Variants in ZNF385D observed in about 807,000 individuals in gnomAD.
The protein encoded by ZNF385D is zinc finger protein 659.
A neutral mutation model predicts 35.8 loss-of-function variants in ZNF385D; 15 were observed. The observed-to-expected ratio is 0.42, with a 90% confidence interval of 0.28 to 0.64. The LOEUF (loss-of-function observed/expected upper bound fraction) is 0.64. ZNF385D is among the 30% of genes least tolerant of loss of function. The pLI is 0.23. For missense variants in ZNF385D, 474 were observed against 494.6 expected, an observed-to-expected ratio of 0.96 and a Z score of 0.39; for synonymous variants, 212 against 186.8, an observed-to-expected ratio of 1.13 and a Z score of -1.10.
chr3:21,762,145 G>A (rs919840254), intron 3 of ZNF385D, among the ~76,000 whole-genome samples: 1 of 151,922 alleles, frequency 6.6e-6, no homozygotes, highest in African/African-American at 2.4e-5. Context: ...CTAAAGTGCT[G>A]GGATTACAGG....
At chr3:22,258,783 CAT>C (rs1327359103) in intron 2 of ZNF385D, among the ~76,000 whole-genome samples, 3 of 151,378 alleles carry the variant, frequency 2.0e-5, no homozygotes, top group African/African-American at 7.3e-5. Flanking sequence ...GTTAAAATAA[CAT>C]GTTTTATAAA....
At chr3:21,545,735 C>G (rs1168294837) in intron 3 of ZNF385D, among the ~76,000 whole-genome samples, 1 of 151,940 alleles carries the variant, frequency 6.6e-6, no homozygotes, top group African/African-American at 2.4e-5. Flanking sequence ...GATAAAAGCT[C>G]CATGGGAGAC....
At chr3:22,312,441 A>G (rs1190229959) in intron 2 of ZNF385D, among the ~76,000 whole-genome samples, 4 of 152,142 alleles carry the variant, frequency 2.6e-5, no homozygotes, top group Non-Finnish European at 5.9e-5. Flanking sequence ...ACAGCAAAAG[A>G]AACTACCATC....
intron 3 of ZNF385D, among the ~76,000 whole-genome samples, chr3:22,073,062 A>G (rs1333173861): frequency 1.3e-5 from 2 of 151,968 alleles, no homozygotes; most frequent in Non-Finnish European, 2.9e-5. Context: ...TAAACTAGAA[A>G]GCTCTTCAGA....
At chr3:22,238,272 T>C (rs1029298198) in intron 2 of ZNF385D, among the ~76,000 whole-genome samples, 1 of 151,114 alleles carries the variant, frequency 6.6e-6, no homozygotes, top group African/African-American at 2.4e-5. Flanking sequence ...GTTTTTCTTT[T>C]CCAGATTATT....
chr3:21,759,002 A>AAAAAC (rs2070480385), intron 3 of ZNF385D, among the ~76,000 whole-genome samples: 2 of 125,922 alleles, frequency 1.6e-5, no homozygotes, highest in Non-Finnish European at 3.5e-5. Context: ...AAAAAAAAAA[A>AAAAAC]AAAACAGTGG....
At chr3:22,023,572 A>G (rs1697350897) in intron 3 of ZNF385D, among the ~76,000 whole-genome samples, 1 of 152,148 alleles carries the variant, frequency 6.6e-6, no homozygotes, top group Non-Finnish European at 1.5e-5. Context: ...ATAAATTACA[A>G]AGCTGCTTCT....
intron 3 of ZNF385D, among the ~76,000 whole-genome samples, chr3:21,558,621 T>C (rs1332426490): frequency 1.3e-5 from 2 of 152,204 alleles, no homozygotes; most frequent in African/African-American, 4.8e-5. Flanking sequence ...GAAGAACGTA[T>C]ATTCTGTTGA....
rs367878952 is a variant in ZNF385D at position 21,807,023 on chromosome 3, A to G, written c.326-141995T>C. On this transcript the variant is annotated intron_variant, in intron 3 of 5. Coordinates refer to the ZNF385D transcript ENST00000494108. ...TTCTGATTTGAATCCAGTTCATTTCATATTTCACACTATTATGGGAAACCA... is the reference window on the plus strand; with the variant it reads ...TTCTGATTTGAATCCAGTTCATTTCGTATTTCACACTATTATGGGAAACCA... Among the ~76,000 whole-genome samples, 10 of 152,342 alleles carry G rather than the reference A, an allele frequency of 6.6e-5. No individual in the cohort carries two copies. The East Asian group carries it at 7.7e-4, about 12-fold the overall frequency.
Position 21,825,877 on chromosome 3 carries a change from C to T in ZNF385D, c.326-160849G>A, listed in dbSNP as rs147519273. On this transcript the variant is annotated intron_variant, in intron 3 of 5. Transcript: ENST00000494108. Reference sequence around the variant, plus strand: ...TGAGCGCCGGGAAAGCCAAAGGTTACGGCCTGAGCTCCGCTCCTTTCCCAC... The same window carrying T: ...TGAGCGCCGGGAAAGCCAAAGGTTATGGCCTGAGCTCCGCTCCTTTCCCAC... Among the ~76,000 whole-genome samples the T allele has an allele frequency of 4.7e-3, 718 of 152,280 alleles. 8 individuals are homozygous for T. Among genetic ancestry groups the T allele is most frequent in the African/African-American group, 0.016 (669 of 41,566 alleles).
At chr3:21,833,018 G>C (rs375556437) in intron 3 of ZNF385D, among the ~76,000 whole-genome samples, 1 of 152,052 alleles carries the variant, frequency 6.6e-6, no homozygotes, top group African/African-American at 2.4e-5. Flanking sequence ...TCCAATGGTA[G>C]CGCACATCCT....
intron 2 of ZNF385D, among the ~76,000 whole-genome samples, chr3:22,290,376 T>C (rs546780277): frequency 6.6e-6 from 1 of 152,248 alleles, no homozygotes; most frequent in Admixed American, 6.5e-5. Flanking sequence ...TGCAGACTGA[T>C]GTCAGAGAAG....
intron 3 of ZNF385D, among the ~76,000 whole-genome samples, chr3:21,887,100 G>C (rs17009952): frequency 6.6e-6 from 1 of 152,154 alleles, no homozygotes; most frequent in South Asian, 2.1e-4. Context: ...GGAGATAAAA[G>C]GTCCCTTCTT....
At chr3:21,486,723 G>A (rs1450362069) in intron 4 of ZNF385D, among the ~76,000 whole-genome samples, 2 of 152,078 alleles carry the variant, frequency 1.3e-5, no homozygotes, top group African/African-American at 4.8e-5. Context: ...TCCAGAGCTG[G>A]AAGTTGCTCC....
intron 3 of ZNF385D, among the ~76,000 whole-genome samples, chr3:21,516,423 G>A (rs762666843): frequency 1.2e-4 from 18 of 152,124 alleles, no homozygotes; most frequent in Non-Finnish European, 2.2e-4. Context: ...TCAGAGCAGA[G>A]AAGTTACCCT....
At chr3:21,758,143 T>A (rs2070430405) in intron 3 of ZNF385D, among the ~76,000 whole-genome samples, 1 of 152,242 alleles carries the variant, frequency 6.6e-6, no homozygotes, top group African/African-American at 2.4e-5. Flanking sequence ...TCCCAAACAC[T>A]GTTTGTATAA....
intron 2 of ZNF385D, among the ~76,000 whole-genome samples, chr3:22,368,874 A>C (rs1156291811): frequency 6.6e-6 from 1 of 152,198 alleles, no homozygotes; most frequent in Non-Finnish European, 1.5e-5. Context: ...GGCTCTAAAA[A>C]AGTAGAAGTA....
At chr3:22,341,648 C>T (rs1695424686) in intron 2 of ZNF385D, among the ~76,000 whole-genome samples, 1 of 152,030 alleles carries the variant, frequency 6.6e-6, no homozygotes. Context: ...ACGTAAATGC[C>T]ACAAAAGTTA....
At chr3:22,297,481 C>T (rs1005752518) in intron 2 of ZNF385D, among the ~76,000 whole-genome samples, 7 of 152,146 alleles carry the variant, frequency 4.6e-5, no homozygotes, top group Middle Eastern at 3.4e-3. Context: ...GCCCCTTGAG[C>T]GGCAAACTTT....
Sources: allele counts gnomAD v4.1 joint callset (sites outside exome capture counted in the v4.1 genomes callset), GRCh38; gene constraint gnomAD v4.1.1; transcripts MANE v1.5; gene names NCBI Gene and HGNC (gene_info 2026-07-23, HGNC 2026-07-21).